SLC2A13: variants seen among roughly 807,000 people sequenced by gnomAD.
SLC2A13 encodes the protein proton myo-inositol cotransporter.
SLC2A13 carries 32 observed loss-of-function variants against 64.4 expected under a neutral mutation model. That is an observed-to-expected ratio of 0.50 (90% confidence interval 0.37 to 0.67). The LOEUF is 0.67. Ranked by LOEUF, SLC2A13 falls within the 30% of genes least tolerant of loss-of-function variation. The probability of loss-of-function intolerance (pLI) is 0.00; values close to 1 mark genes in which losing one functional copy is unlikely to be tolerated. For synonymous variants in SLC2A13, 338 were observed against 327.1 expected (o/e 1.03, Z -0.36); for missense variants, 743 against 829.2 (o/e 0.90, Z 1.28).
At chr12:40,035,471 T>A (rs1204207756) in intron 2 of SLC2A13, among the ~76,000 whole-genome samples, 1 of 152,202 alleles carries the variant, frequency 6.6e-6, no homozygotes, top group Admixed American at 6.5e-5. Context: ...GAAAGTTACT[T>A]TTCCTCTGCC....
intron 3 of SLC2A13, among the ~76,000 whole-genome samples, chr12:39,996,482 C>A (rs967249763): frequency 1.3e-5 from 2 of 152,232 alleles, no homozygotes; most frequent in Non-Finnish European, 2.9e-5. Flanking sequence ...ATGTTAATCC[C>A]CAAGACAATG....
chr12:39,976,389 G>A (rs1946758105), intron 3 of SLC2A13, among the ~76,000 whole-genome samples: 1 of 152,164 alleles, frequency 6.6e-6, no homozygotes, highest in Admixed American at 6.5e-5. Context: ...AGTGCCATAA[G>A]GGTTGACTTC....
At chr12:40,103,658 C>A (rs1010668833) in intron 1 of SLC2A13, among the ~76,000 whole-genome samples, 1 of 152,152 alleles carries the variant, frequency 6.6e-6, no homozygotes, top group Non-Finnish European at 1.5e-5. Flanking sequence ...TTCAAAATTA[C>A]AGAAAAGATT....
intron 3 of SLC2A13, among the ~76,000 whole-genome samples, chr12:40,009,847 G>A (rs1361474363): frequency 2.6e-5 from 4 of 152,192 alleles, no homozygotes; most frequent in Non-Finnish European, 5.9e-5. Context: ...ATCTGAAGAA[G>A]AGGCAGACTG....
intron 1 of SLC2A13, among the ~76,000 whole-genome samples, chr12:40,102,196 T>C (rs1939174221): frequency 1.3e-5 from 2 of 152,212 alleles, no homozygotes; most frequent in South Asian, 2.1e-4. Context: ...TTCTACTCCA[T>C]TATAAAATGA....
At chr12:39,863,909 T>C (rs1204663533) in intron 6 of SLC2A13, among the ~76,000 whole-genome samples, 1 of 152,232 alleles carries the variant, frequency 6.6e-6, no homozygotes, top group African/African-American at 2.4e-5. Flanking sequence ...TAGGGTTGTA[T>C]GAGTTAATAA....
intron 2 of SLC2A13, among the ~76,000 whole-genome samples, chr12:40,040,531 C>T (rs1412736105): frequency 6.6e-6 from 1 of 152,112 alleles, no homozygotes; most frequent in African/African-American, 2.4e-5. Flanking sequence ...GCTGAGATTA[C>T]AGGCATGTGC....
At chr12:39,958,730 TG>T (rs901861921) in intron 3 of SLC2A13, among the ~76,000 whole-genome samples, 52 of 152,322 alleles carry the variant, frequency 3.4e-4, no homozygotes, top group African/African-American at 1.2e-3. Context: ...CAGCAATTTT[TG>T]GGTAATCTGT....
At chr12:39,900,604 T>A (rs533958427) in intron 4 of SLC2A13, among the ~76,000 whole-genome samples, 53 of 152,050 alleles carry the variant, frequency 3.5e-4, no homozygotes, top group African/African-American at 1.1e-3. Flanking sequence ...TCAAAGAGAA[T>A]AAAATACCTA....
intron 4 of SLC2A13, 26 bp from the exon 5 acceptor site, chr12:39,871,987 G>T: frequency 6.6e-7 from 1 of 1,507,958 alleles, no homozygotes; most frequent in Non-Finnish European, 8.9e-7. Context: ...TAAAACAATT[G>T]CTATTGATAG....
At chr12:40,042,902 G>A (rs1948111119) in intron 2 of SLC2A13, among the ~76,000 whole-genome samples, 1 of 147,782 alleles carries the variant, frequency 6.8e-6, no homozygotes, top group Non-Finnish European at 1.5e-5. Flanking sequence ...ACAGGAGCTG[G>A]ACCAGAATCC....
intron 3 of SLC2A13, among the ~76,000 whole-genome samples, chr12:40,009,610 T>C (rs1947489185): frequency 6.6e-6 from 1 of 152,072 alleles, no homozygotes. Context: ...TTTAAAAAAC[T>C]TTTACAGAGA....
intron 4 of SLC2A13, among the ~76,000 whole-genome samples, chr12:39,941,099 T>C (rs1386194335): frequency 1.4e-5 from 2 of 141,948 alleles, no homozygotes; most frequent in Non-Finnish European, 1.5e-5. Flanking sequence ...CATTCCTTTT[T>C]ATAGCTGCAT....
chr12:39,851,373 C>T (rs886451225), intron 6 of SLC2A13, among the ~76,000 whole-genome samples: 3 of 151,850 alleles, frequency 2.0e-5, no homozygotes, highest in African/African-American at 7.3e-5. Context: ...TGAAGAAAAA[C>T]AAAAGGAAGA....
intron 7 of SLC2A13, among the ~76,000 whole-genome samples, chr12:39,771,371 G>C (rs997164439): frequency 6.6e-6 from 1 of 152,170 alleles, no homozygotes; most frequent in African/African-American, 2.4e-5. Flanking sequence ...TCCCTTGCTG[G>C]TTTTGGAGAA....
intron 1 of SLC2A13, among the ~76,000 whole-genome samples, chr12:40,062,129 T>C (rs1248827836): frequency 6.6e-6 from 1 of 152,088 alleles, no homozygotes; most frequent in Non-Finnish European, 1.5e-5. Context: ...ATTGAACCCC[T>C]ACTTCTTATT....
intron 1 of SLC2A13, among the ~76,000 whole-genome samples, chr12:40,052,133 G>A (rs1948268731): frequency 6.6e-6 from 1 of 152,070 alleles, no homozygotes; most frequent in Non-Finnish European, 1.5e-5. Flanking sequence ...AAGATAGGGA[G>A]GGAAAAAATG....
chr12:39,876,644 G>A (rs575262447), intron 4 of SLC2A13, among the ~76,000 whole-genome samples: 1 of 152,256 alleles, frequency 6.6e-6, no homozygotes, highest in East Asian at 1.9e-4. Context: ...GACACTATGA[G>A]TTAGCTCTAA....
intron 1 of SLC2A13, among the ~76,000 whole-genome samples, chr12:40,090,577 CTTAA>C (rs1938734607): frequency 6.6e-6 from 1 of 151,402 alleles, no homozygotes; most frequent in Non-Finnish European, 1.5e-5. Context: ...ATTCTGTATT[CTTAA>C]TATATATTCA....
Sources: gnomAD v4.1 joint callset for allele counts (sites outside exome capture counted in the v4.1 genomes callset) on GRCh38, gnomAD v4.1.1 for gene constraint, MANE v1.5 for transcripts, NCBI Gene and HGNC (gene_info 2026-07-23, HGNC 2026-07-21) for gene names.